Variants in PARD3 observed in about 807,000 individuals in gnomAD.
The protein encoded by PARD3 is partitioning defective 3 homolog.
A neutral mutation model predicts 155.4 loss-of-function variants in PARD3; 75 were observed. The ratio of observed to expected loss-of-function variants is 0.48; its 90% CI spans 0.40 to 0.58. The LOEUF is 0.58. Among genes scored for constraint, PARD3 ranks in the 20% least tolerant of loss-of-function variants. The pLI, the probability that PARD3 is intolerant of heterozygous loss-of-function variation, is 0.00. For missense variants in PARD3, 1,642 were observed against 1,721.7 expected (o/e 0.95, Z 0.82); for synonymous variants, 576 against 610.5 (o/e 0.94, Z 0.83).
intron 1 of PARD3, 33 bp from the exon 2 acceptor site, chr10:34,696,452 A>G (rs1564519472): frequency 4.7e-6 from 6 of 1,278,438 alleles, no homozygotes; most frequent in Non-Finnish European, 6.8e-6. Context: ...TGAATATAGC[A>G]AGTTAGCATC....
Position 34,456,949 on chromosome 10 carries a change from T to A in PARD3, c.583-6501A>T, listed in dbSNP as rs573667413. On this transcript the variant is annotated intron_variant, in intron 4 of 24. Transcript: ENST00000374788. The stretch of plus-strand genomic sequence containing the variant: ...ATGCCAAAAAATTTTCACAGTGGAA[T>A]TCTAATATAGAAGAATTTCTATATT... 3.3e-5 allele frequency among the ~76,000 whole-genome samples: 5 copies of A among 152,294 alleles called. No homozygotes were observed. The East Asian group carries it at 9.7e-4, about 29-fold the overall frequency.
At chr10:34,490,353 G>C (rs1239088393) in intron 3 of PARD3, among the ~76,000 whole-genome samples, 1 of 152,120 alleles carries the variant, frequency 6.6e-6, no homozygotes, top group East Asian at 1.9e-4. Context: ...TTTGTGAGAA[G>C]AAATGGGGAG....
intron 22 of PARD3, among the ~76,000 whole-genome samples, chr10:34,176,479 G>C (rs1950036923): frequency 6.6e-6 from 1 of 152,188 alleles, no homozygotes; most frequent in Non-Finnish European, 1.5e-5. Flanking sequence ...GCTGATGGTG[G>C]AAGTAGATAA....
At chr10:34,774,948 T>A (rs1234939504) in intron 1 of PARD3, among the ~76,000 whole-genome samples, 2 of 152,248 alleles carry the variant, frequency 1.3e-5, no homozygotes, top group African/African-American at 4.8e-5. Flanking sequence ...TATGTAATAG[T>A]AGAACCCAGT....
chr10:34,264,261 T>C (rs1955180519), intron 22 of PARD3, among the ~76,000 whole-genome samples: 1 of 152,192 alleles, frequency 6.6e-6, no homozygotes, highest in Non-Finnish European at 1.5e-5. Flanking sequence ...AATGTAAGTG[T>C]TCTGAGCATG....
At chr10:34,378,888 G>A (rs2134707759) in intron 9 of PARD3, among the ~76,000 whole-genome samples, 1 of 152,220 alleles carries the variant, frequency 6.6e-6, no homozygotes, top group Non-Finnish European at 1.5e-5. Flanking sequence ...CAGCTTTCTT[G>A]ACAGACAGTC....
chr10:34,302,727 A>T (rs779256130), intron 20 of PARD3, among the ~76,000 whole-genome samples: 1 of 152,208 alleles, frequency 6.6e-6, no homozygotes, highest in Non-Finnish European at 1.5e-5. Context: ...CACTGCTGCA[A>T]AACACTCCTT....
intron 2 of PARD3, among the ~76,000 whole-genome samples, chr10:34,556,307 A>G (rs1018456715): frequency 3.3e-5 from 5 of 152,104 alleles, no homozygotes; most frequent in Non-Finnish European, 5.9e-5. Context: ...TCAAATGAAT[A>G]TAGTGTAACA....
chr10:34,238,340 C>T (rs767894904), intron 22 of PARD3, among the ~76,000 whole-genome samples: 1 of 152,114 alleles, frequency 6.6e-6, no homozygotes, highest in African/African-American at 2.4e-5. Flanking sequence ...CATTTCATAG[C>T]CTAACAGATT....
rs111758322 is a variant in PARD3 at position 34,658,063 on chromosome 10, C to T, written c.222+38255G>A. 6.9e-4 allele frequency among the ~76,000 whole-genome samples: 105 copies of T among 151,456 alleles called. 1 individual carries two copies. The highest frequency in any genetic ancestry group is 2.5e-3 in the African/African-American group (102 of 41,340). Reference sequence around the variant, plus strand: ...TGGGAGGCTGAGGCAGGAGAATGGCCTGAACCTGGGAGGCGGAGCTTCCAG... The same window carrying T: ...TGGGAGGCTGAGGCAGGAGAATGGCTTGAACCTGGGAGGCGGAGCTTCCAG... On this transcript the variant is annotated intron_variant, in intron 2 of 24. Transcript: ENST00000374788.
chr10:34,680,557 TA>T (rs5784424), intron 2 of PARD3, among the ~76,000 whole-genome samples: 87,221 of 128,304 alleles, frequency 0.68, 28,702 homozygotes, highest in African/African-American at 0.71. Context: ...AGACTCCGTC[TA>T]AAAAAAAAAA....
At chr10:34,168,977 G>A (rs760376270) in intron 22 of PARD3, among the ~76,000 whole-genome samples, 8 of 152,190 alleles carry the variant, frequency 5.3e-5, no homozygotes, top group Non-Finnish European at 8.8e-5. Flanking sequence ...CAAATAAAGA[G>A]CTCTCAAATG....
intron 4 of PARD3, among the ~76,000 whole-genome samples, chr10:34,459,804 G>C (rs550467588): frequency 1.2e-4 from 18 of 152,108 alleles, no homozygotes; most frequent in Non-Finnish European, 2.1e-4. Flanking sequence ...CATATAACTA[G>C]TCTGACAATG....
intron 22 of PARD3, among the ~76,000 whole-genome samples, chr10:34,161,476 A>C (rs1588974651): frequency 6.6e-6 from 1 of 152,074 alleles, no homozygotes; most frequent in African/African-American, 2.4e-5. Context: ...TTACTTTAGG[A>C]AACACCATTC....
chr10:34,274,444 T>A (rs1032582874), intron 21 of PARD3, among the ~76,000 whole-genome samples: 4 of 152,194 alleles, frequency 2.6e-5, no homozygotes, highest in Non-Finnish European at 5.9e-5. Flanking sequence ...CAGAAATCAC[T>A]AGCAGAAAGA....
intron 2 of PARD3, among the ~76,000 whole-genome samples, chr10:34,571,874 T>C (rs372423525): frequency 6.6e-6 from 1 of 152,206 alleles, no homozygotes; most frequent in Non-Finnish European, 1.5e-5. Context: ...AACAAAACCA[T>C]TTGTTTTTTG....
At chr10:34,192,366 G>A (rs1376788001) in intron 22 of PARD3, among the ~76,000 whole-genome samples, 1 of 152,050 alleles carries the variant, frequency 6.6e-6, no homozygotes. Flanking sequence ...CCAAAGTGCT[G>A]GGATTACAGG....
rs529935853 is a variant in PARD3 at position 34,576,056 on chromosome 10, A to T, written c.223-58897T>A. Among the ~76,000 whole-genome samples the T allele has an allele frequency of 7.2e-5, 11 of 152,308 alleles. No homozygotes were observed. In the South Asian group the frequency reaches 2.3e-3, roughly 32 times the overall value. The stretch of plus-strand genomic sequence containing the variant: ...TGTTGCTTCTTCAAGCTCTGCAGGC[A>T]ATGGTTATGTGCAGTCTTGAATGAA... On this transcript the variant is annotated intron_variant, in intron 2 of 24. Transcript: ENST00000374788.
At chr10:34,347,112 G>T (rs930541102) in intron 15 of PARD3, among the ~76,000 whole-genome samples, 9 of 152,194 alleles carry the variant, frequency 5.9e-5, no homozygotes, top group African/African-American at 2.2e-4. Flanking sequence ...TACTCAAAAT[G>T]GAGTTAAATT....
Sources: allele counts gnomAD v4.1 joint callset (sites outside exome capture counted in the v4.1 genomes callset), GRCh38; gene constraint gnomAD v4.1.1; transcripts MANE v1.5; gene names NCBI Gene and HGNC (gene_info 2026-07-23, HGNC 2026-07-21).